The following PER2 variants were observed in gnomAD, a reference collection of about 807,000 sequenced individuals.
PER2 encodes period circadian regulator 2, also known as period circadian protein homolog 2.
A neutral mutation model predicts 121.0 loss-of-function variants in PER2; 66 were observed. The observed-to-expected ratio is 0.55, with a 90% CI of 0.45 to 0.67. The LOEUF (loss-of-function observed/expected upper bound fraction) is 0.67. Among genes scored for constraint, PER2 ranks in the 30% least tolerant of loss-of-function variants. The probability of loss-of-function intolerance (pLI) is 0.00; values close to 1 mark genes in which losing one functional copy is unlikely to be tolerated. For missense variants in PER2, 1,521 were observed against 1,635.0 expected (o/e 0.93, Z 1.20); for synonymous variants, 684 against 659.9 (o/e 1.04, Z -0.56).
At position 238,260,816 on chromosome 2, in the gene PER2, A is replaced by T. The variant is rs1574846656; in HGVS notation, c.1542+12T>A. 1 of 1,613,922 alleles carries T rather than the reference A, an allele frequency of 6.2e-7. No homozygotes were observed. ...AAACTCATTTTCTCAGGGAGAATGG[A>T]AGGAGACGTACGGCTCTCCTCCGGC... On this transcript the variant is annotated intron_variant, in intron 13 of 22. Coordinates refer to ENST00000254657, the MANE Select transcript of PER2 (RefSeq NM_022817.3).
chr2:238,265,648 A>T, intron 8 of PER2, 58 bp from the exon 9 acceptor site: 1 of 1,064,006 alleles, frequency 9.4e-7, no homozygotes, highest in South Asian at 1.3e-5. Context: ...ATTTGATGTT[A>T]TATTAAAACT....
At chr2:238,296,977 G>A in the PER2 span, among the ~76,000 whole-genome samples, 15 of 152,316 alleles carry the variant, frequency 9.8e-5, no homozygotes, top group Admixed American at 7.8e-4. Context: ...TCTTCAGCTC[G>A]ATTCCTCTGG....
chr2:238,297,092 G>C, the PER2 span, among the ~76,000 whole-genome samples: 1 of 152,314 alleles, frequency 6.6e-6, no homozygotes. Flanking sequence ...CTTGAGACAG[G>C]AACGAGGAGC....
chr2:238,288,379 G>A lies in PER2; in HGVS notation c.-50C>T, dbSNP rs1015421246. On this transcript the variant is annotated 5_prime_UTR_variant, in exon 1 of 23. Transcript: ENST00000254657. Reference sequence around the variant, plus strand: ...GGACCTCAGGCTCCTGAGCTGCGAAGCGGGGGTTCGAGTCCCCAACCCTCG... The same window carrying A: ...GGACCTCAGGCTCCTGAGCTGCGAAACGGGGGTTCGAGTCCCCAACCCTCG... 6.6e-6 allele frequency: 1 copy of A among 152,288 alleles called. No homozygotes were observed. Among genetic ancestry groups the A allele is most frequent in the Non-Finnish European group, 1.5e-5 (1 of 68,100 alleles). The allele number at this position is 152,288 out of a possible 1,614,324, so 9.4% of individuals were successfully genotyped here. A position where few individuals can be genotyped will look rare whatever the true frequency, so the allele number is the denominator to read the frequency against.
At chr2:238,262,536 C>T (rs549301413) in intron 10 of PER2, among the ~76,000 whole-genome samples, 192 bp from the exon 11 acceptor site, 7 of 152,206 alleles carry the variant, frequency 4.6e-5, no homozygotes, top group Non-Finnish European at 8.8e-5. Context: ...CCAGCAGGAG[C>T]TGTTTCATCC....
At chr2:238,270,507 T>TG (rs35980199) in intron 6 of PER2, among the ~76,000 whole-genome samples, 14,028 of 152,148 alleles carry the variant, frequency 0.092, 698 homozygotes, top group South Asian at 0.13. Flanking sequence ...CAATGGCTAG[T>TG]TACGGAAAAT....
chr2:238,292,740 CTTT>C (rs1189740145), upstream of PER2, among the ~76,000 whole-genome samples: 1 of 137,772 alleles, frequency 7.3e-6, no homozygotes. Flanking sequence ...TTTTCTTTCT[CTTT>C]TTTTTTTTTT....
Position 238,252,869 on chromosome 2 carries a change from G to A in PER2, c.3111+43C>T. The stretch of plus-strand genomic sequence containing the variant: ...GTGCGGCCGGCCTGCCAGGTGTGCT[G>A]TTTGCTGCCTGCTTTGGGGAAAGAG... On this transcript the variant is annotated intron_variant, in intron 19 of 22. Coordinates refer to ENST00000254657, the MANE Select transcript of PER2 (RefSeq NM_022817.3). The surrounding 1 kb of genome is among the most constrained non-coding windows in gnomAD (Gnocchi z 4.2). 8 of 1,572,234 alleles carry A rather than the reference G, an allele frequency of 5.1e-6. No individual in the cohort carries two copies. Among genetic ancestry groups the A allele is most frequent in the Non-Finnish European group, 7.0e-6 (8 of 1,145,266 alleles).
Position 238,249,261 on chromosome 2 carries a change from A to T in PER2, c.3468-49T>A, listed in dbSNP as rs1238235754. ...GTAAGCTTTCAAATGTCTTAAGGGT[A>T]TCTATTTTTATTCTTTCAGAATAAT... is the stretch of plus-strand genomic sequence containing the variant. On this transcript the variant is annotated intron_variant, in intron 21 of 22. Transcript: ENST00000254657. 6 of 1,534,940 alleles carry T rather than the reference A, an allele frequency of 3.9e-6. No individual in the cohort carries two copies. In the Admixed American group the frequency reaches 1.0e-4, roughly 26 times the overall value.
At chr2:238,258,695 C>T (rs772670035) in intron 14 of PER2, 51 bp from the exon 15 acceptor site, 33 of 1,576,908 alleles carry the variant, frequency 2.1e-5, no homozygotes, top group Middle Eastern at 1.7e-4. Context: ...CCACAGAAAA[C>T]GCTGTGTATT....
chr2:238,263,104 G>A, intron 9 of PER2, 46 bp from the exon 10 acceptor site: 1 of 1,122,038 alleles, frequency 8.9e-7, no homozygotes, highest in Non-Finnish European at 1.4e-6. Flanking sequence ...CCAAACAGAT[G>A]AGGAGATTGT....
chr2:238,274,923 C>G (rs939507958), intron 4 of PER2, among the ~76,000 whole-genome samples: 2 of 152,128 alleles, frequency 1.3e-5, no homozygotes, highest in Non-Finnish European at 2.9e-5. Context: ...GCAGAGCAAC[C>G]CTTCCACACC....
In PER2 at chr2:238,246,508, T is replaced by G; in HGVS notation, c.3635A>C (p.Glu1212Ala). ...GCAAATATTACCTTTTTCCTTGTTT[T>G]CACAGTAAACACATTCCTTAAAAGA... is the stretch of plus-strand genomic sequence containing the variant. ...AIDVAECVYC[E>A]NKEKGNICIP... Residue 1212 changes from glutamate to alanine, a missense_variant, in exon 23 of 23, where the codon GAA becomes GCA. Transcript: ENST00000254657. 1 of 1,572,148 alleles carries G rather than the reference T, an allele frequency of 6.4e-7. No homozygotes were observed. Among genetic ancestry groups the G allele is most frequent in the Non-Finnish European group, 8.8e-7 (1 of 1,141,940 alleles).
At chr2:238,270,762 G>A (rs1696259985) in intron 6 of PER2, among the ~76,000 whole-genome samples, 1 of 152,220 alleles carries the variant, frequency 6.6e-6, no homozygotes, top group Non-Finnish European at 1.5e-5. Flanking sequence ...ACAGGGGCAG[G>A]CCCAGCAGCC....
intron 3 of PER2, 130 bp downstream of exon 3, chr2:238,277,001 C>G (rs1194676301): frequency 5.1e-6 from 4 of 785,540 alleles, no homozygotes; most frequent in East Asian, 4.9e-5. Context: ...GGGTTCGTAC[C>G]CACATAGCCA....
At position 238,262,895 on chromosome 2, in the gene PER2, A is replaced by C; in HGVS notation, c.1153+57T>G. ...TAGACTGGTCCCAAGAAGCAGCCCCAAGGACACAGGAACTTCCGCCAAACA... is the reference window on the plus strand; with the variant it reads ...TAGACTGGTCCCAAGAAGCAGCCCCCAGGACACAGGAACTTCCGCCAAACA... On this transcript the variant is annotated intron_variant, in intron 10 of 22. Coordinates refer to ENST00000254657, the MANE Select transcript of PER2 (RefSeq NM_022817.3). The C allele has an allele frequency of 2.5e-6, 3 of 1,217,186 alleles. No homozygotes were observed. In the Admixed American group the frequency reaches 5.4e-5, roughly 22 times the overall value. 75.4% of individuals were successfully genotyped at this position (1,217,186 alleles called of 1,614,324 possible).
chr2:238,272,420 G>C (rs1486740288), intron 5 of PER2, among the ~76,000 whole-genome samples: 1 of 152,238 alleles, frequency 6.6e-6, no homozygotes, highest in African/African-American at 2.4e-5. Context: ...AGCCCACCAT[G>C]GGCGCTCTAC....
chr2:238,249,105 T>C lies in PER2; in HGVS notation c.3575A>G (p.Gln1192Arg), dbSNP rs1259652640. 6.2e-7 allele frequency: 1 copy of C among 1,614,222 alleles called. No individual in the cohort carries two copies. Among genetic ancestry groups the C allele is most frequent in the Non-Finnish European group, 8.5e-7 (1 of 1,180,036 alleles). ...GGGCAGGCCGCCCGTCTGCATCCAC[T>C]GGTGGACCTCGCGCAGCTCCTGCTT... ...SQKQELREVH[Q>R]WMQTGGLPAA... is the part of the protein sequence containing the mutation. Residue 1192 changes from glutamine (Q) to arginine (R), a missense_variant, in exon 22 of 23, where the codon CAG (glutamine) becomes CGG (arginine). Gln to Arg is a conservative substitution (Grantham distance 43, BLOSUM62 1). Transcript: ENST00000254657.
rs535127135 is a variant in PER2 at position 238,270,408 on chromosome 2, C to T, written c.772+904G>A. On this transcript the variant is annotated intron_variant, in intron 6 of 22. Coordinates refer to ENST00000254657, the MANE Select transcript of PER2 (RefSeq NM_022817.3). The stretch of plus-strand genomic sequence containing the variant: ...TTTAAAAAACAGAAATCTCTGCTTT[C>T]GTGGGAATCTAAACTAAAAAAAAAA... Among the ~76,000 whole-genome samples, 14 of 150,744 alleles carry T rather than the reference C, an allele frequency of 9.3e-5. No homozygotes were observed. In the South Asian group the frequency reaches 2.5e-3, roughly 27 times the overall value.
Sources: gnomAD v4.1 joint callset for allele counts (sites outside exome capture counted in the v4.1 genomes callset) on GRCh38, gnomAD v4.1.1 for gene constraint, Gnocchi (gnomAD v3.1) non-coding constraint, MANE v1.5 for transcripts, NCBI Gene and HGNC (gene_info 2026-07-23, HGNC 2026-07-21) for gene names.